PRMT3: variants seen among roughly 807,000 people sequenced by gnomAD.
PRMT3 encodes protein arginine methyltransferase 3.
A neutral mutation model predicts 71.9 loss-of-function variants in PRMT3; 62 were observed. The ratio of observed to expected loss-of-function variants is 0.86; its 90% CI spans 0.70 to 1.07. The LOEUF (loss-of-function observed/expected upper bound fraction) is 1.07, where lower values mean the gene tolerates loss of function less well. Among genes scored for constraint, PRMT3 ranks in the 50% least tolerant of loss-of-function variants. The probability of loss-of-function intolerance (pLI) is 0.00; values close to 1 mark genes in which losing one functional copy is unlikely to be tolerated. For missense variants in PRMT3, 663 were observed against 643.0 expected (o/e 1.03, Z -0.34); for synonymous variants, 213 against 220.4 (o/e 0.97, Z 0.30).
chr11:20,417,850 A>G (rs994638952), intron 9 of PRMT3, among the ~76,000 whole-genome samples: 3 of 151,856 alleles, frequency 2.0e-5, no homozygotes, highest in African/African-American at 7.3e-5. Context: ...ACCTGTACAC[A>G]TCTTTGTGTA....
At chr11:20,443,297 G>C (rs1345110343) in intron 10 of PRMT3, among the ~76,000 whole-genome samples, 1 of 152,110 alleles carries the variant, frequency 6.6e-6, no homozygotes, top group Non-Finnish European at 1.5e-5. Flanking sequence ...AACTGAATTG[G>C]GGAAATGGGT....
At chr11:20,474,222 C>T (rs1392497520) in intron 13 of PRMT3, among the ~76,000 whole-genome samples, 1 of 152,190 alleles carries the variant, frequency 6.6e-6, no homozygotes, top group Admixed American at 6.5e-5. Context: ...TGAAGCTGTG[C>T]TGTGCTGTGG....
At chr11:20,405,527 T>C (rs1004744046) in intron 8 of PRMT3, 4 of 152,124 alleles carry the variant, frequency 2.6e-5, no homozygotes, top group Non-Finnish European at 4.4e-5. Flanking sequence ...GCCCTACAAT[T>C]TACCAGCTGT....
At chr11:20,449,680 TGTCA>T (rs1177394360) in intron 10 of PRMT3, among the ~76,000 whole-genome samples, 1 of 152,184 alleles carries the variant, frequency 6.6e-6, no homozygotes, top group Non-Finnish European at 1.5e-5. Context: ...CACCATTATT[TGTCA>T]GTTTTAATTT....
chr11:20,497,190 AAT>A (rs1491505569), intron 15 of PRMT3, among the ~76,000 whole-genome samples: 1 of 139,060 alleles, frequency 7.2e-6, no homozygotes, highest in Non-Finnish European at 1.6e-5. Flanking sequence ...ATTACGAGAA[AAT>A]ATTGTTTGAT....
rs537459735 is a variant in PRMT3 at position 20,407,450 on chromosome 11, A to T, written c.772-461A>T. ...TAAAAAATTCTTTTTGTTTGCAGTG[A>T]TGTATACAGATTGCATGTTAAAGTA... is the stretch of plus-strand genomic sequence containing the variant. On this transcript the variant is annotated intron_variant, in intron 8 of 15. Coordinates refer to ENST00000331079, the MANE Select transcript of PRMT3 (RefSeq NM_005788.4). The T allele has an allele frequency of 1.1e-3, 176 of 156,350 alleles. 5 individuals are homozygous for T. In the South Asian group the frequency reaches 0.032, roughly 28 times the overall value. The allele number at this position is 156,350 out of a possible 1,614,324, so 9.7% of individuals were successfully genotyped here. A position where few individuals can be genotyped will look rare whatever the true frequency, so the allele number is the denominator to read the frequency against.
chr11:20,446,056 T>C (rs1850020169), intron 10 of PRMT3, among the ~76,000 whole-genome samples: 1 of 152,168 alleles, frequency 6.6e-6, no homozygotes, highest in South Asian at 2.1e-4. Context: ...TGTACGTGTG[T>C]GCTCTTACAC....
intron 13 of PRMT3, among the ~76,000 whole-genome samples, chr11:20,473,732 A>T (rs1483568769): frequency 1.3e-5 from 2 of 151,938 alleles, no homozygotes; most frequent in Non-Finnish European, 2.9e-5. Flanking sequence ...TCTGAAGCCT[A>T]CTTCTGTCAA....
chr11:20,494,277 A>G (rs1471713655), intron 15 of PRMT3, 23 bp downstream of exon 15: 2 of 1,495,492 alleles, frequency 1.3e-6, no homozygotes, highest in East Asian at 2.3e-5. Flanking sequence ...AGTAGGGGGG[A>G]AGTATCTTAT....
At chr11:20,401,527 G>T (rs1848948596) in intron 7 of PRMT3, among the ~76,000 whole-genome samples, 1 of 151,772 alleles carries the variant, frequency 6.6e-6, no homozygotes, top group Admixed American at 6.6e-5. Context: ...TGCCCTTTAA[G>T]ATCTCCTTTT....
At chr11:20,473,355 A>T (rs2133420217) in intron 13 of PRMT3, among the ~76,000 whole-genome samples, 1 of 151,806 alleles carries the variant, frequency 6.6e-6, no homozygotes, top group East Asian at 1.9e-4. Context: ...TGTCTTTTTG[A>T]TGTGTACATT....
intron 13 of PRMT3, among the ~76,000 whole-genome samples, chr11:20,464,915 A>T (rs886684258): frequency 2.0e-5 from 3 of 152,196 alleles, no homozygotes; most frequent in Non-Finnish European, 2.9e-5. Context: ...TTTATTTGGT[A>T]GAATATTTTA....
chr11:20,462,112 C>T lies in PRMT3; in HGVS notation c.1205C>T (p.Ala402Val), dbSNP rs556348437. The change falls in exon 12 of 16, where the codon GCT becomes GTT. Residue 402 changes from alanine (A) to valine (V), a missense_variant. By Grantham distance (64) the Ala-to-Val change is moderately conservative (BLOSUM62 0). Transcript: ENST00000331079. The stretch of plus-strand genomic sequence containing the variant: ...ATGAAGAAAGCAGTTATTCCAGAAG[C>T]TGTTGTGGAAGTTTTAGATCCGAAG... ...SCMKKAVIPEAVVEVLDPKTL... is the reference protein window; with the variant it reads ...SCMKKAVIPEVVVEVLDPKTL... 2 of 1,612,874 alleles carry T rather than the reference C, an allele frequency of 1.2e-6. No homozygotes were observed. Among genetic ancestry groups the T allele is most frequent in the African/African-American group, 1.3e-5 (1 of 75,004 alleles).
chr11:20,392,119 T>C (rs937249405), intron 3 of PRMT3, 92 bp from the exon 4 acceptor site: 10 of 1,261,716 alleles, frequency 7.9e-6, no homozygotes, highest in African/African-American at 1.5e-5. Context: ...CAGAATTATT[T>C]TATTGTTTAA....
chr11:20,469,771 T>A (rs1340923865), intron 13 of PRMT3, among the ~76,000 whole-genome samples: 1 of 152,178 alleles, frequency 6.6e-6, no homozygotes, highest in African/African-American at 2.4e-5. Context: ...ATTTGATATA[T>A]CATCTCTTAA....
intron 8 of PRMT3, chr11:20,405,906 TCTCCAGAA>T (rs528382854): frequency 1.3e-3 from 198 of 152,268 alleles, no homozygotes; most frequent in African/African-American, 4.6e-3. Flanking sequence ...ACCACCTCCA[TCTCCAGAA>T]CTCTTCATCT....
chr11:20,472,804 T>A (rs1850680587), intron 13 of PRMT3, among the ~76,000 whole-genome samples: 1 of 151,400 alleles, frequency 6.6e-6, no homozygotes, highest in East Asian at 1.9e-4. Flanking sequence ...TACCAGCTCC[T>A]CTTTGTACCT....
Position 20,426,771 on chromosome 11 carries a change from A to G in PRMT3, c.899A>G (p.Asn300Ser), listed in dbSNP as rs781247749. 6.8e-7 allele frequency: 1 copy of G among 1,475,892 alleles called. No homozygotes were observed. Among genetic ancestry groups the G allele is most frequent in the Non-Finnish European group, 8.9e-7 (1 of 1,120,090 alleles). 91.4% of individuals were successfully genotyped at this position (1,475,892 alleles called of 1,614,324 possible). A position where few individuals can be genotyped will look rare whatever the true frequency, so the allele number is the denominator to read the frequency against. ...LYQAMDIIRL[N>S]KLEDTITLIK... is the part of the protein sequence containing the mutation. ...TAATTCATTATAATTTTCAGACTAA[A>G]TAAACTTGAAGATACTATTACACTA... The change falls in exon 10 of 16, where the codon AAT becomes AGT. Residue 300 changes from asparagine (N) to serine (S), a missense_variant. Transcript: ENST00000331079.
intron 5 of PRMT3, 86 bp downstream of exon 5, chr11:20,393,085 A>G: frequency 1.2e-6 from 1 of 823,526 alleles, no homozygotes; most frequent in Non-Finnish European, 2.0e-6. Context: ...TTAGGAAAAG[A>G]CATGCTTTTT....
Sources: gnomAD v4.1 joint callset for allele counts (sites outside exome capture counted in the v4.1 genomes callset) on GRCh38, gnomAD v4.1.1 for gene constraint, MANE v1.5 for transcripts, NCBI Gene and HGNC (gene_info 2026-07-23, HGNC 2026-07-21) for gene names.